DAPP1: variants seen among roughly 807,000 people sequenced by gnomAD.
DAPP1 encodes dual adapter for phosphotyrosine and 3-phosphotyrosine and 3-phosphoinositide.
A neutral mutation model predicts 41.5 loss-of-function variants in DAPP1; 20 were observed. The ratio of observed to expected loss-of-function variants is 0.48; its 90% CI spans 0.34 to 0.70. The LOEUF (loss-of-function observed/expected upper bound fraction) is 0.70. Among genes scored for constraint, DAPP1 ranks in the 30% least tolerant of loss-of-function variants. DAPP1 has a pLI of 0.01. For missense variants in DAPP1, 233 were observed against 333.4 expected, an observed-to-expected ratio of 0.70 and a Z score of 2.35; for synonymous variants, 113 against 116.2, an observed-to-expected ratio of 0.97 and a Z score of 0.18.
intron 3 of DAPP1, among the ~76,000 whole-genome samples, chr4:99,851,424 C>T (rs1368353965): frequency 1.3e-5 from 2 of 151,838 alleles, no homozygotes; most frequent in African/African-American, 4.8e-5. Flanking sequence ...AACAGCTTTT[C>T]ATTTTACAGC....
chr4:99,816,852 A>G lies in DAPP1; in HGVS notation c.-62A>G, dbSNP rs1578335139. 7.1e-7 allele frequency: 1 copy of G among 1,409,134 alleles called. No homozygotes were observed. Among genetic ancestry groups the G allele is most frequent in the African/African-American group, 1.4e-5 (1 of 70,132 alleles). The allele number at this position is 1,409,134 out of a possible 1,614,324, so 87.3% of individuals were successfully genotyped here. A position where few individuals can be genotyped will look rare whatever the true frequency, so the allele number is the denominator to read the frequency against. ...GCCATAGCAGGCTGCTGTCTCACAG[A>G]GCGAGAAGGTGTCAGGAGCAGCCCA... On this transcript the variant is annotated 5_prime_UTR_variant, in exon 1 of 9. Coordinates refer to ENST00000512369, the MANE Select transcript of DAPP1 (RefSeq NM_014395.3).
At position 99,868,551 on chromosome 4, in the gene DAPP1, C is replaced by A; in HGVS notation, c.*366C>A. The A allele has an allele frequency of 5.5e-6, 1 of 181,518 alleles. No individual in the cohort carries two copies. Among genetic ancestry groups the A allele is most frequent in the Non-Finnish European group, 1.2e-5 (1 of 86,318 alleles). 11.2% of individuals were successfully genotyped at this position (181,518 alleles called of 1,614,324 possible). ...CTAGAGTCCCACTGTGAGTCATGGT[C>A]AGCCTGTCTGACATCCAGGTTGTGC... On this transcript the variant is annotated 3_prime_UTR_variant, in exon 9 of 9. Coordinates refer to ENST00000512369, the MANE Select transcript of DAPP1 (RefSeq NM_014395.3).
At chr4:99,842,852 C>CTTTT (rs1297681743) in intron 3 of DAPP1, among the ~76,000 whole-genome samples, 9 of 137,660 alleles carry the variant, frequency 6.5e-5, no homozygotes, top group Non-Finnish European at 9.4e-5. Flanking sequence ...ATATTTCTTT[C>CTTTT]TTTTTTTTTT....
At chr4:99,818,863 C>T (rs942222713) in intron 1 of DAPP1, among the ~76,000 whole-genome samples, 7 of 152,170 alleles carry the variant, frequency 4.6e-5, no homozygotes, top group Middle Eastern at 3.2e-3. Context: ...ACACCCAAAC[C>T]ACAGACTTGA....
intron 1 of DAPP1, among the ~76,000 whole-genome samples, chr4:99,825,142 T>C (rs556311417): frequency 1.4e-4 from 21 of 152,352 alleles, no homozygotes; most frequent in Non-Finnish European, 2.8e-4. Context: ...TCCCTAAGTC[T>C]CTGTCCCCAT....
intron 1 of DAPP1, among the ~76,000 whole-genome samples, chr4:99,818,235 ATC>A (rs1296913177): frequency 3.3e-5 from 5 of 152,178 alleles, no homozygotes; most frequent in African/African-American, 4.8e-5. Flanking sequence ...GAGCTCTAGA[ATC>A]TCTCTATCCC....
chr4:99,868,079 A>C, intron 8 of DAPP1, 38 bp from the exon 9 acceptor site: 1 of 1,556,506 alleles, frequency 6.4e-7, no homozygotes, highest in South Asian at 1.1e-5. Context: ...CATTACAATC[A>C]CTCAATAATG....
At chr4:99,864,853 A>G (rs1264973601) in intron 7 of DAPP1, 3 of 152,162 alleles carry the variant, frequency 2.0e-5, no homozygotes, top group Admixed American at 6.5e-5. Context: ...AGGAAAACCA[A>G]TGTTTCTCCA....
chr4:99,863,307 T>TTCCC (rs1724306842), intron 6 of DAPP1, among the ~76,000 whole-genome samples: 2 of 152,174 alleles, frequency 1.3e-5, no homozygotes, highest in African/African-American at 4.8e-5. Flanking sequence ...GGGCACGTAA[T>TTCCC]TCCCTCTGTT....
At chr4:99,818,008 C>T (rs949937345) in intron 1 of DAPP1, among the ~76,000 whole-genome samples, 2 of 152,148 alleles carry the variant, frequency 1.3e-5, no homozygotes, top group South Asian at 2.1e-4. Context: ...AGGCTATGTC[C>T]GAAACCAAAG....
At chr4:99,824,041 G>T (rs917146048) in intron 1 of DAPP1, among the ~76,000 whole-genome samples, 2 of 152,072 alleles carry the variant, frequency 1.3e-5, no homozygotes, top group African/African-American at 4.8e-5. Context: ...AATTTTCCTG[G>T]GTTTCATGTT....
chr4:99,844,742 G>C (rs1374055563), intron 3 of DAPP1: 1 of 152,144 alleles, frequency 6.6e-6, no homozygotes, highest in Non-Finnish European at 1.5e-5. Flanking sequence ...CAATTTTAAA[G>C]ATCTCATCTG....
intron 4 of DAPP1, among the ~76,000 whole-genome samples, chr4:99,859,311 G>A (rs925894258): frequency 6.6e-6 from 1 of 152,152 alleles, no homozygotes; most frequent in Admixed American, 6.5e-5. Context: ...TCTAGAACCA[G>A]CTATTTCTCC....
At chr4:99,840,562 A>C in intron 3 of DAPP1, 140 bp downstream of exon 3, 1 of 1,063,824 alleles carries the variant, frequency 9.4e-7, no homozygotes, top group South Asian at 1.6e-5. Flanking sequence ...TATTTTGTAT[A>C]AAGTAGATAT....
intron 3 of DAPP1, among the ~76,000 whole-genome samples, chr4:99,851,099 A>G (rs1723841090): frequency 6.6e-6 from 1 of 152,170 alleles, no homozygotes; most frequent in African/African-American, 2.4e-5. Flanking sequence ...ATGCATCTAC[A>G]ATGTGAGCAC....
intron 1 of DAPP1, among the ~76,000 whole-genome samples, chr4:99,832,115 T>C (rs1192704638): frequency 6.6e-6 from 1 of 152,230 alleles, no homozygotes; most frequent in African/African-American, 2.4e-5. Flanking sequence ...CTTGTCTTAT[T>C]CTCCTGACTA....
chr4:99,832,420 A>G (rs1723157507), intron 1 of DAPP1, among the ~76,000 whole-genome samples: 1 of 152,250 alleles, frequency 6.6e-6, no homozygotes. Flanking sequence ...AACTCAATTA[A>G]AAGGGGAAGT....
chr4:99,840,217 C>A (rs977387118), intron 2 of DAPP1, 72 bp from the exon 3 acceptor site: 2 of 1,099,386 alleles, frequency 1.8e-6, no homozygotes, highest in Non-Finnish European at 2.5e-6. Flanking sequence ...ATGCTAACAT[C>A]TGAGATCATA....
At chr4:99,827,527 C>A (rs747279365) in intron 1 of DAPP1, among the ~76,000 whole-genome samples, 17 of 130,704 alleles carry the variant, frequency 1.3e-4, no homozygotes, top group Non-Finnish European at 2.1e-4. Flanking sequence ...AGTCAGACTA[C>A]GTCTCAAAAA....
Sources: gnomAD v4.1 joint callset for allele counts (sites outside exome capture counted in the v4.1 genomes callset) on GRCh38, gnomAD v4.1.1 for gene constraint, MANE v1.5 for transcripts, NCBI Gene and HGNC (gene_info 2026-07-23, HGNC 2026-07-21) for gene names.